CFAP61: variants seen among roughly 807,000 people sequenced by gnomAD.
CFAP61 encodes the protein cilia- and flagella-associated protein 61.
A neutral mutation model predicts 135.6 loss-of-function variants in CFAP61; 107 were observed. That is an observed-to-expected ratio of 0.79 (90% CI 0.67 to 0.93). CFAP61 has a LOEUF of 0.93. Among genes scored for constraint, CFAP61 ranks in the 40% least tolerant of loss-of-function variants. CFAP61 has a pLI of 0.00. For missense variants in CFAP61, 1,507 were observed against 1,556.2 expected, an observed-to-expected ratio of 0.97 and a Z score of 0.53; for synonymous variants, 575 against 578.5, an observed-to-expected ratio of 0.99 and a Z score of 0.09.
intron 2 of CFAP61, among the ~76,000 whole-genome samples, chr20:20,067,435 A>C (rs1490901189): frequency 1.3e-5 from 2 of 151,886 alleles, no homozygotes; most frequent in Non-Finnish European, 2.9e-5. Flanking sequence ...AAAGTAAAAG[A>C]GATCGAGACC....
chr20:20,138,882 C>G (rs542612545), intron 8 of CFAP61, among the ~76,000 whole-genome samples: 2 of 152,282 alleles, frequency 1.3e-5, no homozygotes, highest in African/African-American at 4.8e-5. Flanking sequence ...CTGTCTGTGT[C>G]TATTTCTGGC....
chr20:20,282,666 C>T (rs1405754229), intron 22 of CFAP61, among the ~76,000 whole-genome samples: 2 of 152,120 alleles, frequency 1.3e-5, no homozygotes, highest in South Asian at 2.1e-4. Context: ...GAGCCAGGGA[C>T]GGTAACTCAC....
chr20:20,226,515 T>C (rs538434629), intron 17 of CFAP61, among the ~76,000 whole-genome samples: 17 of 152,240 alleles, frequency 1.1e-4, no homozygotes, highest in Non-Finnish European at 1.9e-4. Context: ...AATATCTGAC[T>C]GATATGTATT....
intron 17 of CFAP61, among the ~76,000 whole-genome samples, chr20:20,218,947 G>A (rs1425287913): frequency 6.6e-6 from 1 of 152,132 alleles, no homozygotes; most frequent in African/African-American, 2.4e-5. Flanking sequence ...TAAAGATAGT[G>A]GGCCCCAGAT....
intron 3 of CFAP61, among the ~76,000 whole-genome samples, chr20:20,071,755 TACAC>T (rs1382507030): frequency 6.6e-6 from 1 of 152,254 alleles, no homozygotes; most frequent in South Asian, 2.1e-4. Context: ...TGTGCACACA[TACAC>T]ACACCCGTAA....
At position 20,260,837 on chromosome 20, in the gene CFAP61, C is replaced by A. The variant is rs763456156; in HGVS notation, c.2329-2119C>A. Among the ~76,000 whole-genome samples, 24 of 152,154 alleles carry A rather than the reference C, an allele frequency of 1.6e-4. 1 individual carries two copies. The highest frequency in any genetic ancestry group is 2.9e-5 in the Non-Finnish European group (2 of 68,030). ...GACTTATTAAACTGATGTAATGTTA[C>A]CCAGATTTTATTTTCTTTTATGCTA... On this transcript the variant is annotated intron_variant, in intron 20 of 26. Coordinates refer to ENST00000245957, the MANE Select transcript of CFAP61 (RefSeq NM_015585.4).
intron 13 of CFAP61, among the ~76,000 whole-genome samples, chr20:20,180,319 ACT>A (rs1427109027): frequency 1.3e-5 from 2 of 150,950 alleles, no homozygotes; most frequent in Non-Finnish European, 3.0e-5. Context: ...ACAGAGTGAG[ACT>A]CTGTCTCAAA....
At chr20:20,139,454 T>C (rs1240402722) in intron 8 of CFAP61, among the ~76,000 whole-genome samples, 1 of 152,228 alleles carries the variant, frequency 6.6e-6, no homozygotes, top group Admixed American at 6.5e-5. Flanking sequence ...ACTTCTAAAC[T>C]ACTTAGATGG....
At chr20:20,084,894 AG>A (rs1397128578) in intron 6 of CFAP61, among the ~76,000 whole-genome samples, 5 of 152,122 alleles carry the variant, frequency 3.3e-5, no homozygotes, top group Non-Finnish European at 7.4e-5. Flanking sequence ...CAGTTTTCAG[AG>A]TCTGATGGAA....
rs533346324 is a variant in CFAP61 at position 20,336,202 on chromosome 20, GC to G, written c.3423-5627del. Among the ~76,000 whole-genome samples, 3 of 152,312 alleles carry G rather than the reference GC, an allele frequency of 2.0e-5. No homozygotes were observed. In the East Asian group the frequency reaches 5.8e-4, roughly 29 times the overall value. ...TATGCAGGATAGCTCAGGCAGCACA[GC>G]CACATCTTACTAATGATGGATTTGT... On this transcript the variant is annotated intron_variant, in intron 25 of 26. Coordinates refer to ENST00000245957, the MANE Select transcript of CFAP61 (RefSeq NM_015585.4).
At chr20:20,225,091 T>C (rs1270445959) in intron 17 of CFAP61, among the ~76,000 whole-genome samples, 1 of 152,130 alleles carries the variant, frequency 6.6e-6, no homozygotes, top group Non-Finnish European at 1.5e-5. Flanking sequence ...TGAAGGAACA[T>C]AAAGGAAGAA....
chr20:20,143,752 G>A (rs531913184), intron 9 of CFAP61, among the ~76,000 whole-genome samples: 8 of 152,310 alleles, frequency 5.3e-5, no homozygotes, highest in African/African-American at 1.4e-4. Flanking sequence ...GCAGACTAGA[G>A]TGACTAAAGT....
intron 25 of CFAP61, chr20:20,323,161 G>C: frequency 1.0e-6 from 1 of 985,428 alleles, no homozygotes; most frequent in African/African-American, 1.7e-5. Flanking sequence ...GAGGATTCTA[G>C]TTTGAGCCAG....
At position 20,360,645 on chromosome 20, in the gene CFAP61, T is replaced by C; in HGVS notation, c.*235T>C. On this transcript the variant is annotated 3_prime_UTR_variant, in exon 27 of 27. Transcript: ENST00000245957. Reference sequence around the variant, plus strand: ...GCTCGCTTTACAAATCCCAGGCATGTTCCTGTGCAGAATAATCCATTTCAG... The same window carrying C: ...GCTCGCTTTACAAATCCCAGGCATGCTCCTGTGCAGAATAATCCATTTCAG... The C allele has an allele frequency of 3.6e-6, 2 of 561,834 alleles. No homozygotes were observed. The highest frequency in any genetic ancestry group is 6.3e-6 in the Non-Finnish European group (2 of 317,934). 34.8% of individuals were successfully genotyped at this position (561,834 alleles called of 1,614,324 possible). A position where few individuals can be genotyped will look rare whatever the true frequency, so the allele number is the denominator to read the frequency against.
chr20:20,277,344 A>C lies in CFAP61; in HGVS notation c.2682A>C (p.Gly894=), dbSNP rs773037607. 8 of 1,614,056 alleles carry C rather than the reference A, an allele frequency of 5.0e-6. No individual in the cohort carries two copies. Among genetic ancestry groups the C allele is most frequent in the Middle Eastern group, 3.3e-4 (2 of 6,084 alleles). The change falls in exon 22 of 27, where the codon GGA becomes GGC. Residue 894 remains glycine, a synonymous_variant. Transcript: ENST00000245957. ...TGGCGGACGCGCTAGGAGCCGCCGG[A>C]GTCACTATGTACCGGGATGCGATCC... The part of the protein sequence containing the change: ...SAVADALGAA[G]VTMYRDAILA...
At chr20:20,296,909 G>T (rs985162917) in intron 24 of CFAP61, among the ~76,000 whole-genome samples, 1 of 151,866 alleles carries the variant, frequency 6.6e-6, no homozygotes, top group Admixed American at 6.6e-5. Context: ...TAATAAGTTT[G>T]GATTTTTTAA....
At chr20:20,083,231 T>C (rs1234666064) in intron 6 of CFAP61, among the ~76,000 whole-genome samples, 2 of 151,940 alleles carry the variant, frequency 1.3e-5, no homozygotes, top group Non-Finnish European at 2.9e-5. Flanking sequence ...CTAAGTGAAG[T>C]AACTCAGGAA....
At chr20:20,339,287 T>A (rs2058350505) in intron 25 of CFAP61, among the ~76,000 whole-genome samples, 1 of 152,120 alleles carries the variant, frequency 6.6e-6, no homozygotes, top group South Asian at 2.1e-4. Context: ...AAATACAAAT[T>A]TCCCAAAAGC....
intron 8 of CFAP61, among the ~76,000 whole-genome samples, chr20:20,101,497 T>C (rs146209668): frequency 1.2e-4 from 19 of 152,364 alleles, no homozygotes; most frequent in African/African-American, 3.6e-4. Context: ...CTCTCTGCTT[T>C]CGTGCATGAT....
Sources: allele counts gnomAD v4.1 joint callset (sites outside exome capture counted in the v4.1 genomes callset), GRCh38; gene constraint gnomAD v4.1.1; transcripts MANE v1.5; gene names NCBI Gene and HGNC (gene_info 2026-07-23, HGNC 2026-07-21).